CDK19: variants seen among roughly 807,000 people sequenced by gnomAD.
CDK19 encodes the protein cyclin-dependent kinase 19.
In CDK19, 20 loss-of-function variants were observed where a neutral mutation model predicts 68.3. The observed-to-expected ratio is 0.29, with a 90% CI of 0.21 to 0.43. The LOEUF (loss-of-function observed/expected upper bound fraction) is 0.43, where lower values mean the gene tolerates loss of function less well. CDK19 is among the 20% of genes least tolerant of loss of function. CDK19 has a pLI of 1.00. For missense variants in CDK19, 339 were observed against 623.5 expected, an observed-to-expected ratio of 0.54 and a Z score of 4.86; for synonymous variants, 221 against 222.8, an observed-to-expected ratio of 0.99 and a Z score of 0.07.
intron 1 of CDK19, among the ~76,000 whole-genome samples, chr6:110,764,306 T>C (rs1779425586): frequency 1.3e-5 from 2 of 152,156 alleles, no homozygotes; most frequent in Admixed American, 6.5e-5. Flanking sequence ...AATGCAATAT[T>C]GAAGGAGAAG....
rs140549384 is a variant in CDK19, at chr6:110,761,278, G to A, written c.129-15077C>T. On this transcript the variant is annotated intron_variant, in intron 1 of 12. Transcript: ENST00000368911. ...TCTGTGATTTTTGTAGTCTGAAGGT[G>A]TGAAGATAGCACAGGCAACTGGTTA... 1.0e-3 allele frequency among the ~76,000 whole-genome samples: 155 copies of A among 152,242 alleles called. 1 individual carries two copies. The Middle Eastern group carries it at 0.014, about 13-fold the overall frequency.
chr6:110,731,593 G>T (rs1195784527), intron 2 of CDK19, among the ~76,000 whole-genome samples: 1 of 152,164 alleles, frequency 6.6e-6, no homozygotes, highest in South Asian at 2.1e-4. Context: ...TGATTTTACG[G>T]TATGTGAATT....
chr6:110,769,529 C>T (rs1408647977), intron 1 of CDK19, among the ~76,000 whole-genome samples: 1 of 149,718 alleles, frequency 6.7e-6, no homozygotes, highest in African/African-American at 2.5e-5. Context: ...GGCACCACTG[C>T]ACTCTAGCCT....
intron 4 of CDK19, among the ~76,000 whole-genome samples, chr6:110,652,083 A>G (rs1392685233): frequency 6.6e-6 from 1 of 152,084 alleles, no homozygotes; most frequent in Non-Finnish European, 1.5e-5. Flanking sequence ...CAAAAAAGAA[A>G]CAAACAAACA....
At chr6:110,639,226 T>C (rs971786581) in intron 4 of CDK19, among the ~76,000 whole-genome samples, 1 of 152,124 alleles carries the variant, frequency 6.6e-6, no homozygotes, top group Non-Finnish European at 1.5e-5. Context: ...AATTTCAAGA[T>C]GTAGGAAAAT....
intron 2 of CDK19, among the ~76,000 whole-genome samples, chr6:110,744,152 G>A (rs1361274419): frequency 4.0e-5 from 6 of 151,190 alleles, no homozygotes; most frequent in Non-Finnish European, 8.8e-5. Flanking sequence ...GACTACAGGC[G>A]CATGCCACCA....
At chr6:110,814,796 C>G (rs1445316261) in intron 1 of CDK19, 1 of 690,732 alleles carries the variant, frequency 1.4e-6, no homozygotes, top group Non-Finnish European at 2.6e-6. Context: ...TCGGACCGGG[C>G]TGCGCCGCGG....
intron 1 of CDK19, among the ~76,000 whole-genome samples, chr6:110,793,560 G>A (rs1192799063): frequency 6.6e-6 from 1 of 152,120 alleles, no homozygotes; most frequent in African/African-American, 2.4e-5. Flanking sequence ...TAAGAATGTG[G>A]GTTTTAACTG....
At chr6:110,723,639 A>G (rs563913626) in intron 2 of CDK19, among the ~76,000 whole-genome samples, 39 of 152,320 alleles carry the variant, frequency 2.6e-4, no homozygotes, top group Middle Eastern at 3.4e-3. Context: ...TCCACCACCA[A>G]AAGTTCTAAA....
At chr6:110,668,485 C>T (rs117079516) in intron 3 of CDK19, among the ~76,000 whole-genome samples, 4,150 of 152,204 alleles carry the variant, frequency 0.027, 81 homozygotes, top group South Asian at 0.082. Context: ...GCAGTGATTT[C>T]CAGTAGAAAT....
At chr6:110,782,060 AC>A (rs1201827712) in intron 1 of CDK19, among the ~76,000 whole-genome samples, 1 of 152,238 alleles carries the variant, frequency 6.6e-6, no homozygotes, top group Non-Finnish European at 1.5e-5. Context: ...GCTATACTCA[AC>A]TAATAAAAGA....
At chr6:110,713,776 G>A (rs1775154052) in intron 2 of CDK19, among the ~76,000 whole-genome samples, 2 of 152,104 alleles carry the variant, frequency 1.3e-5, no homozygotes, top group South Asian at 2.1e-4. Context: ...TAGCATTTGG[G>A]AGGTTGAGGC....
At chr6:110,778,100 G>T (rs1780536687) in intron 1 of CDK19, among the ~76,000 whole-genome samples, 1 of 152,072 alleles carries the variant, frequency 6.6e-6, no homozygotes, top group African/African-American at 2.4e-5. Context: ...CAATCCCACT[G>T]AACTGTATAC....
intron 2 of CDK19, among the ~76,000 whole-genome samples, chr6:110,733,965 GTT>G (rs1041851988): frequency 6.6e-5 from 10 of 151,966 alleles, no homozygotes; most frequent in African/African-American, 2.4e-4. Flanking sequence ...TTCATCTACT[GTT>G]TACTTTAAAA....
At chr6:110,787,373 AAAAC>A (rs531088286) in intron 1 of CDK19, among the ~76,000 whole-genome samples, 15 of 79,418 alleles carry the variant, frequency 1.9e-4, no homozygotes, top group African/African-American at 4.6e-4. Context: ...GGCTCTGTCT[AAAAC>A]AAACAAACAA....
chr6:110,792,599 G>C (rs753300392), intron 1 of CDK19, among the ~76,000 whole-genome samples: 4 of 152,174 alleles, frequency 2.6e-5, no homozygotes, highest in Middle Eastern at 3.2e-3. Context: ...GTAGAGACGG[G>C]GTTTTGCCAT....
At chr6:110,674,877 G>T (rs998140813) in intron 2 of CDK19, among the ~76,000 whole-genome samples, 4 of 151,196 alleles carry the variant, frequency 2.6e-5, no homozygotes, top group Non-Finnish European at 5.9e-5. Context: ...ACTCCAGCCC[G>T]GGCGACACAG....
At chr6:110,734,520 G>GCTCTCTCTCTCTCT (rs34004722) in intron 2 of CDK19, among the ~76,000 whole-genome samples, 10,237 of 85,500 alleles carry the variant, frequency 0.12, 2,229 homozygotes, top group Middle Eastern at 0.16. Context: ...GGTGAGCACT[G>GCTCTCTCTCTCTCT]CTCTCTCTCT....
intron 4 of CDK19, among the ~76,000 whole-genome samples, chr6:110,643,892 C>A (rs1469775024): frequency 6.6e-6 from 1 of 152,012 alleles, no homozygotes; most frequent in African/African-American, 2.4e-5. Flanking sequence ...GCCTGGGCAA[C>A]ATAGTGAGAC....
Sources: gnomAD v4.1 joint callset for allele counts (sites outside exome capture counted in the v4.1 genomes callset) on GRCh38, gnomAD v4.1.1 for gene constraint, MANE v1.5 for transcripts, NCBI Gene and HGNC (gene_info 2026-07-23, HGNC 2026-07-21) for gene names.